MAN1A2: variants seen among roughly 807,000 people sequenced by gnomAD.
MAN1A2 encodes the protein mannosidase alpha class 1A member 2.
MAN1A2 carries 26 observed loss-of-function variants against 75.7 expected under a neutral mutation model. That is an observed-to-expected ratio of 0.34 (90% confidence interval 0.25 to 0.48). The LOEUF is 0.48. MAN1A2 is among the 20% of genes least tolerant of loss of function. The pLI is 0.99. For synonymous variants in MAN1A2, 247 were observed against 264.6 expected, an observed-to-expected ratio of 0.93 and a Z score of 0.65; for missense variants, 562 against 775.5, an observed-to-expected ratio of 0.72 and a Z score of 3.27.
At chr1:117,511,527 C>G (rs1035304223) in intron 12 of MAN1A2, among the ~76,000 whole-genome samples, 2 of 152,048 alleles carry the variant, frequency 1.3e-5, no homozygotes, top group African/African-American at 4.8e-5. Flanking sequence ...AGCCTCATAG[C>G]CGTAGGGACT....
intron 6 of MAN1A2, among the ~76,000 whole-genome samples, chr1:117,443,424 C>G (rs910932713): frequency 1.3e-5 from 2 of 152,110 alleles, no homozygotes; most frequent in Admixed American, 6.6e-5. Context: ...GTTGTGTATA[C>G]GCTTGTTCTC....
chr1:117,383,241 T>C (rs942654621), intron 1 of MAN1A2, among the ~76,000 whole-genome samples: 1 of 149,284 alleles, frequency 6.7e-6, no homozygotes, highest in South Asian at 2.1e-4. Context: ...CCTTTCACTC[T>C]ATTAATGTGA....
At chr1:117,467,393 A>G (rs184572310) in intron 8 of MAN1A2, among the ~76,000 whole-genome samples, 5 of 152,272 alleles carry the variant, frequency 3.3e-5, no homozygotes, top group African/African-American at 1.2e-4. Flanking sequence ...AGAATAGGAA[A>G]ACATTTGCCC....
Position 117,526,874 on chromosome 1 carries a change from CTCTCTCTATATATA to C in MAN1A2, c.*3919_*3932del, listed in dbSNP as rs1386483250. 97 of 73,968 alleles carry C rather than the reference CTCTCTCTATATATA, an allele frequency of 1.3e-3. No individual in the cohort carries two copies. Among genetic ancestry groups the C allele is most frequent in the Middle Eastern group, 8.3e-3 (1 of 120 alleles). The allele number at this position is 73,968 out of a possible 1,614,324, so 4.6% of individuals were successfully genotyped here. A position where few individuals can be genotyped will look rare whatever the true frequency, so the allele number is the denominator to read the frequency against. ...TCTCTCTCTCTCTCTCTCTCTCTCT[CTCTCTCTATATATA>C]TATATATATATATATATATATGAGA... On this transcript the variant is annotated 3_prime_UTR_variant, in exon 13 of 13. Coordinates refer to ENST00000356554, the MANE Select transcript of MAN1A2 (RefSeq NM_006699.5).
At chr1:117,387,068 G>A (rs1339747169) in intron 1 of MAN1A2, among the ~76,000 whole-genome samples, 1 of 151,932 alleles carries the variant, frequency 6.6e-6, no homozygotes, top group South Asian at 2.1e-4. Context: ...TTAAAAATGG[G>A]CAAAGGACTT....
chr1:117,498,838 C>T (rs909132238), intron 10 of MAN1A2, among the ~76,000 whole-genome samples: 7 of 151,704 alleles, frequency 4.6e-5, no homozygotes, highest in African/African-American at 1.7e-4. Context: ...AATTTTTGGC[C>T]ACCATATTTT....
chr1:117,490,690 G>T (rs914799401), intron 8 of MAN1A2, among the ~76,000 whole-genome samples: 4 of 152,086 alleles, frequency 2.6e-5, no homozygotes, highest in African/African-American at 9.7e-5. Context: ...AGTGAGGAAG[G>T]CATGTCAAAA....
intron 1 of MAN1A2, among the ~76,000 whole-genome samples, chr1:117,379,737 A>T (rs182783125): frequency 1.1e-4 from 17 of 152,200 alleles, no homozygotes; most frequent in Admixed American, 8.5e-4. Context: ...GCAATCTAAG[A>T]CCTTTTTTGT....
chr1:117,384,059 G>C (rs1334116252), intron 1 of MAN1A2, among the ~76,000 whole-genome samples: 1 of 152,028 alleles, frequency 6.6e-6, no homozygotes, highest in African/African-American at 2.4e-5. Context: ...CAATTTTGTT[G>C]ATCTTGTCAA....
At chr1:117,411,208 A>G (rs1310096897) in intron 3 of MAN1A2, among the ~76,000 whole-genome samples, 2 of 151,786 alleles carry the variant, frequency 1.3e-5, no homozygotes, top group East Asian at 1.9e-4. Flanking sequence ...CAGTAAAGCT[A>G]CAATTCAGGA....
intron 6 of MAN1A2, among the ~76,000 whole-genome samples, chr1:117,452,185 T>C (rs1649441496): frequency 6.6e-6 from 1 of 151,596 alleles, no homozygotes; most frequent in Admixed American, 6.6e-5. Context: ...TGCATGCCTG[T>C]AATCCCAGCT....
intron 12 of MAN1A2, among the ~76,000 whole-genome samples, chr1:117,519,344 G>A (rs559051885): frequency 6.6e-6 from 1 of 151,798 alleles, no homozygotes; most frequent in African/African-American, 2.4e-5. Flanking sequence ...GATCAGAGCA[G>A]AACTAAATGA....
Position 117,460,569 on chromosome 1 carries a change from T to C in MAN1A2, c.1031T>C (p.Ile344Thr), listed in dbSNP as rs769507588. 1.7e-5 allele frequency: 27 copies of C among 1,610,648 alleles called. No homozygotes were observed. Among genetic ancestry groups the C allele is most frequent in the Non-Finnish European group, 2.1e-5 (25 of 1,178,690 alleles). ...TTTGGTACACTACATATGGAGTTCA[T>C]CCACCTCAGCTACTTGACAGGGGAC... ...AEFGTLHMEF[I>T]HLSYLTGDLT... Residue 344 changes from isoleucine to threonine, a missense_variant, in exon 7 of 13, where the codon ATC becomes ACC. By Grantham distance (89) the Ile-to-Thr change is moderately conservative. Around this residue, in one of 2 missense-constraint regions of MAN1A2, gnomAD observed 434 missense variants for 645.7 expected, o/e 0.67. Transcript: ENST00000356554.
intron 5 of MAN1A2, among the ~76,000 whole-genome samples, chr1:117,438,592 C>T (rs1384532612): frequency 6.6e-6 from 1 of 152,214 alleles, no homozygotes; most frequent in African/African-American, 2.4e-5. Context: ...ATTTTCAGTA[C>T]TGCAGGTTTC....
At chr1:117,455,291 A>T (rs1649544233) in intron 6 of MAN1A2, among the ~76,000 whole-genome samples, 1 of 152,160 alleles carries the variant, frequency 6.6e-6, no homozygotes, top group Admixed American at 6.5e-5. Flanking sequence ...ATTCTAGAAC[A>T]TGCAAGACTA....
At position 117,417,706 on chromosome 1, in the gene MAN1A2, ACTCTCTCTCT is replaced by A. The variant is rs772502807; in HGVS notation, c.775-2845_775-2836del. Among the ~76,000 whole-genome samples the A allele has an allele frequency of 5.6e-5, 8 of 143,552 alleles. No homozygotes were observed. The East Asian group carries it at 6.3e-4, about 11-fold the overall frequency. The allele number at this position is 143,552 out of a possible 152,430, so 94.2% of individuals were successfully genotyped here. On this transcript the variant is annotated intron_variant, in intron 4 of 12. Coordinates refer to ENST00000356554, the MANE Select transcript of MAN1A2 (RefSeq NM_006699.5). ...AGTAGGCGTGCACACACACACACAC[ACTCTCTCTCT>A]CTCTCTCTCTCTCTCTCATCAAAGT...
rs1274171073 is a variant in MAN1A2, at chr1:117,367,521, C to G, written c.-663C>G. On this transcript the variant is annotated 5_prime_UTR_variant, in exon 1 of 13. Coordinates refer to ENST00000356554, the MANE Select transcript of MAN1A2 (RefSeq NM_006699.5). The stretch of plus-strand genomic sequence containing the variant: ...ACTCAGGTGTTTCGGACGCTATTGC[C>G]CTTCGCGCCAGCCGTCGAGTGGGCA... 6.5e-6 allele frequency: 1 copy of G among 152,690 alleles called. No individual in the cohort carries two copies. Among genetic ancestry groups the G allele is most frequent in the Non-Finnish European group, 1.5e-5 (1 of 68,370 alleles). 9.5% of individuals were successfully genotyped at this position (152,690 alleles called of 1,614,324 possible).
At chr1:117,484,740 G>A (rs1467270747) in intron 8 of MAN1A2, among the ~76,000 whole-genome samples, 3 of 151,770 alleles carry the variant, frequency 2.0e-5, no homozygotes, top group Non-Finnish European at 4.4e-5. Context: ...ACTATCAATG[G>A]CACCATGTAT....
intron 12 of MAN1A2, among the ~76,000 whole-genome samples, chr1:117,510,990 G>A (rs1651516961): frequency 6.6e-6 from 1 of 151,974 alleles, no homozygotes; most frequent in Admixed American, 6.6e-5. Flanking sequence ...ATAAAGAACT[G>A]CCCAAGACTG....
Sources: gnomAD v4.1 joint callset for allele counts (sites outside exome capture counted in the v4.1 genomes callset) on GRCh38, gnomAD v4.1.1 for gene constraint, gnomAD v4.1.1 regional missense constraint, MANE v1.5 for transcripts, NCBI Gene and HGNC (gene_info 2026-07-23, HGNC 2026-07-21) for gene names.